DTD1: variants seen among roughly 807,000 people sequenced by gnomAD.
DTD1 encodes D-tyrosyl-tRNA deacylase 1 homolog.
A neutral mutation model predicts 25.6 loss-of-function variants in DTD1; 13 were observed. The observed-to-expected ratio is 0.51, with a 90% confidence interval of 0.33 to 0.81. DTD1 has a LOEUF of 0.81. DTD1 is among the 30% of genes least tolerant of loss of function. The pLI is 0.02. For synonymous variants in DTD1, 110 were observed against 103.6 expected (o/e 1.06, Z -0.37); for missense variants, 193 against 266.4 (o/e 0.72, Z 1.92).
chr20:18,714,996 A>C (rs2061174590), intron 4 of DTD1, among the ~76,000 whole-genome samples: 1 of 152,052 alleles, frequency 6.6e-6, no homozygotes, highest in African/African-American at 2.4e-5. Context: ...GGCCTTTCCT[A>C]GATTCTAGGC....
chr20:18,615,912 G>A (rs2060707240), intron 3 of DTD1, among the ~76,000 whole-genome samples: 1 of 152,162 alleles, frequency 6.6e-6, no homozygotes, highest in Non-Finnish European at 1.5e-5. Context: ...GGAAGACCAC[G>A]TCTAAGTTTT....
At chr20:18,761,088 G>A (rs181940096) in intron 5 of DTD1, among the ~76,000 whole-genome samples, 37 of 152,260 alleles carry the variant, frequency 2.4e-4, no homozygotes, top group African/African-American at 6.0e-4. Context: ...TTGCAAAAGC[G>A]CATTATTAGG....
chr20:18,699,781 C>T (rs1295578688), intron 4 of DTD1, among the ~76,000 whole-genome samples: 5 of 152,064 alleles, frequency 3.3e-5, no homozygotes, highest in African/African-American at 1.2e-4. Context: ...TGTGTGTGTA[C>T]GTGTGTGTAC....
intron 5 of DTD1, among the ~76,000 whole-genome samples, chr20:18,753,253 C>G (rs2061327197): frequency 6.6e-6 from 1 of 152,174 alleles, no homozygotes; most frequent in Admixed American, 6.5e-5. Flanking sequence ...CTAAACAGCA[C>G]CAACCTGTAG....
chr20:18,693,874 G>C (rs1347771660), intron 4 of DTD1, among the ~76,000 whole-genome samples: 1 of 152,108 alleles, frequency 6.6e-6, no homozygotes, highest in Non-Finnish European at 1.5e-5. Context: ...AGTTAGATCT[G>C]TGCTGACCAA....
rs548924185 is a variant in DTD1, at chr20:18,681,397, C to T, written c.477+53164C>T. Reference sequence around the variant, plus strand: ...ACACTTTTTATGGCAAGATGTCATCCGCTTGAGCCATCATTAATTTGTCTG... The same window carrying T: ...ACACTTTTTATGGCAAGATGTCATCTGCTTGAGCCATCATTAATTTGTCTG... On this transcript the variant is annotated intron_variant, in intron 4 of 5. Coordinates refer to ENST00000377452, the MANE Select transcript of DTD1 (RefSeq NM_080820.6). 1.2e-3 allele frequency among the ~76,000 whole-genome samples: 176 copies of T among 152,288 alleles called. 1 individual carries two copies. Among genetic ancestry groups the T allele is most frequent in the Non-Finnish European group, 1.4e-3 (95 of 68,026 alleles).
chr20:18,614,150 G>C (rs1014091350), intron 3 of DTD1, among the ~76,000 whole-genome samples: 1 of 152,018 alleles, frequency 6.6e-6, no homozygotes, highest in Non-Finnish European at 1.5e-5. Context: ...CTATTGTAAT[G>C]ACCTGGGGCA....
At chr20:18,691,009 A>G (rs1243662189) in intron 4 of DTD1, among the ~76,000 whole-genome samples, 1 of 152,258 alleles carries the variant, frequency 6.6e-6, no homozygotes, top group Non-Finnish European at 1.5e-5. Context: ...CAAACGTGGA[A>G]AAATGCTTGT....
intron 4 of DTD1, among the ~76,000 whole-genome samples, chr20:18,667,665 A>G (rs6081283): frequency 0.36 from 55,019 of 151,038 alleles, 10,277 homozygotes; most frequent in Non-Finnish European, 0.41. Flanking sequence ...TTCAGCAACT[A>G]TGACATGGAT....
chr20:18,641,136 A>G (rs748279036), intron 4 of DTD1, among the ~76,000 whole-genome samples: 4 of 152,126 alleles, frequency 2.6e-5, no homozygotes, highest in Admixed American at 6.6e-5. Context: ...TAATTTCTTC[A>G]AGATTCATCC....
chr20:18,695,509 C>T (rs112305115), intron 4 of DTD1, among the ~76,000 whole-genome samples: 3 of 2,628 alleles, frequency 1.1e-3, no homozygotes, highest in African/African-American at 3.0e-3. Context: ...CCCTTCCCTT[C>T]CCTTCCCTTC....
At chr20:18,614,201 G>T (rs1019845436) in intron 3 of DTD1, among the ~76,000 whole-genome samples, 3 of 152,146 alleles carry the variant, frequency 2.0e-5, no homozygotes, top group African/African-American at 7.2e-5. Flanking sequence ...GGTTTTCCCA[G>T]CATGCTCCTG....
At chr20:18,711,172 T>TA (rs2061157057) in intron 4 of DTD1, among the ~76,000 whole-genome samples, 1 of 152,214 alleles carries the variant, frequency 6.6e-6, no homozygotes, top group African/African-American at 2.4e-5. Flanking sequence ...TTGTAAGCAC[T>TA]AATCTTTTCC....
chr20:18,701,855 GT>G (rs1600379377), intron 4 of DTD1, among the ~76,000 whole-genome samples: 2 of 152,216 alleles, frequency 1.3e-5, no homozygotes, highest in Non-Finnish European at 2.9e-5. Context: ...TTGTCCTTCT[GT>G]CAGATAAAAT....
intron 4 of DTD1, among the ~76,000 whole-genome samples, chr20:18,709,701 A>C (rs546125482): frequency 5.3e-5 from 8 of 152,302 alleles, no homozygotes; most frequent in Non-Finnish European, 1.0e-4. Context: ...AGATGTTCTC[A>C]TGATGCAATT....
intron 5 of DTD1, among the ~76,000 whole-genome samples, chr20:18,746,955 C>A (rs887422687): frequency 1.3e-5 from 2 of 152,118 alleles, no homozygotes; most frequent in Admixed American, 1.3e-4. Flanking sequence ...ATGTATCTCA[C>A]GTATGCATGG....
intron 4 of DTD1, among the ~76,000 whole-genome samples, chr20:18,650,569 G>A (rs2060870571): frequency 6.6e-6 from 1 of 152,158 alleles, no homozygotes; most frequent in Non-Finnish European, 1.5e-5. Flanking sequence ...TCCTTTGTCA[G>A]ACTTATCTTT....
intron 3 of DTD1, among the ~76,000 whole-genome samples, chr20:18,615,021 A>T (rs2060703637): frequency 6.6e-6 from 1 of 152,098 alleles, no homozygotes; most frequent in South Asian, 2.1e-4. Flanking sequence ...TTGGCTTCAT[A>T]ACATGGTGCT....
At chr20:18,628,392 C>G (rs1391733121) in intron 4 of DTD1, among the ~76,000 whole-genome samples, 159 bp downstream of exon 4, 1 of 152,210 alleles carries the variant, frequency 6.6e-6, no homozygotes, top group African/African-American at 2.4e-5. Context: ...CGGTGCACTC[C>G]TGAGTACTGT....
Sources: gnomAD v4.1 joint callset for allele counts (sites outside exome capture counted in the v4.1 genomes callset) on GRCh38, gnomAD v4.1.1 for gene constraint, MANE v1.5 for transcripts, NCBI Gene and HGNC (gene_info 2026-07-23, HGNC 2026-07-21) for gene names.